Variants in AUTS2 observed in about 807,000 individuals in gnomAD.
AUTS2 encodes the protein autism susceptibility gene 2 protein.
A neutral mutation model predicts 112.4 loss-of-function variants in AUTS2; 17 were observed. The ratio of observed to expected loss-of-function variants is 0.15; its 90% CI spans 0.10 to 0.23. AUTS2 has a LOEUF of 0.23. Among genes scored for constraint, AUTS2 ranks in the 10% least tolerant of loss-of-function variants. AUTS2 has a pLI of 1.00. For missense variants in AUTS2, 1,510 were observed against 1,701.6 expected (o/e 0.89, Z 1.98); for synonymous variants, 751 against 702.7 (o/e 1.07, Z -1.09).
chr7:70,781,462 G>A lies in AUTS2; in HGVS notation c.2005-153G>A, dbSNP rs927816356. The A allele has an allele frequency of 3.4e-5, 29 of 846,582 alleles. No homozygotes were observed. In the African/African-American group the frequency reaches 4.6e-4, roughly 13 times the overall value. 52.4% of individuals were successfully genotyped at this position (846,582 alleles called of 1,614,324 possible). ...CCGGCCTGCAGATCTGACATTTGAG[G>A]GTGAAATGGTTTTTGTGTAGCTGCT... On this transcript the variant is annotated intron_variant, in intron 14 of 18. Transcript: ENST00000342771.
chr7:70,045,715 TCTC>T (rs1317646572), intron 2 of AUTS2, among the ~76,000 whole-genome samples: 1 of 151,426 alleles, frequency 6.6e-6, no homozygotes, highest in Non-Finnish European at 1.5e-5. Context: ...TTCAAACAGT[TCTC>T]CTGCCCCAGC....
intron 5 of AUTS2, among the ~76,000 whole-genome samples, chr7:70,502,534 C>T (rs550650331): frequency 4.6e-5 from 7 of 152,262 alleles, no homozygotes; most frequent in African/African-American, 1.7e-4. Flanking sequence ...CTTTTGCCCA[C>T]CGCTTCCAGT....
intron 1 of AUTS2, among the ~76,000 whole-genome samples, chr7:69,635,402 ATC>A (rs1418029406): frequency 2.0e-5 from 3 of 152,238 alleles, no homozygotes; most frequent in Non-Finnish European, 4.4e-5. Context: ...CTGAAAATAC[ATC>A]TGAGAATAAT....
chr7:69,631,665 T>G (rs1794250659), intron 1 of AUTS2, among the ~76,000 whole-genome samples: 1 of 152,232 alleles, frequency 6.6e-6, no homozygotes, highest in Non-Finnish European at 1.5e-5. Flanking sequence ...TGTTCCATTT[T>G]AGCCCCAGCA....
At chr7:70,637,709 T>G (rs976585741) in intron 5 of AUTS2, among the ~76,000 whole-genome samples, 2 of 152,098 alleles carry the variant, frequency 1.3e-5, no homozygotes, top group African/African-American at 4.8e-5. Context: ...TTTCCCTAAG[T>G]AGGGGTATTT....
At chr7:70,231,358 G>A (rs550045672) in intron 4 of AUTS2, among the ~76,000 whole-genome samples, 1 of 152,244 alleles carries the variant, frequency 6.6e-6, no homozygotes, top group African/African-American at 2.4e-5. Context: ...TTCCTTCCTA[G>A]CCTTCTAGTT....
intron 4 of AUTS2, among the ~76,000 whole-genome samples, chr7:70,410,851 GTTATTATTA>G (rs138979707): frequency 2.0e-5 from 3 of 148,194 alleles, no homozygotes; most frequent in African/African-American, 5.0e-5. Flanking sequence ...TATTATTATT[GTTATTATTA>G]TTATTATTAT....
chr7:70,730,980 T>C (rs529179748), intron 6 of AUTS2, among the ~76,000 whole-genome samples: 114 of 152,324 alleles, frequency 7.5e-4, no homozygotes, highest in African/African-American at 2.7e-3. Flanking sequence ...GGATTTGCAA[T>C]TCCCTGAATG....
chr7:69,853,152 C>A (rs758330506), intron 1 of AUTS2, among the ~76,000 whole-genome samples: 7 of 152,102 alleles, frequency 4.6e-5, no homozygotes, highest in Non-Finnish European at 8.8e-5. Flanking sequence ...AGATCCTAGC[C>A]TGTTGATGGC....
chr7:69,837,219 A>T (rs1791766005), intron 1 of AUTS2, among the ~76,000 whole-genome samples: 1 of 152,218 alleles, frequency 6.6e-6, no homozygotes, highest in African/African-American at 2.4e-5. Context: ...ACAAATGCAC[A>T]TAGATAGTTA....
At chr7:69,969,811 T>C (rs1394982227) in intron 2 of AUTS2, among the ~76,000 whole-genome samples, 2 of 152,222 alleles carry the variant, frequency 1.3e-5, no homozygotes, top group African/African-American at 2.4e-5. Flanking sequence ...TGATATAAGC[T>C]TGTAATTGTT....
rs1301890488 is a variant in AUTS2, at chr7:69,978,902, G to GCA, written c.522+79410_522+79411dup. On this transcript the variant is annotated intron_variant, in intron 2 of 18. Transcript: ENST00000342771. ...CACACACACACACACACACACACAC[G>GCA]CACACACGCACACACACACGCACAC... Among the ~76,000 whole-genome samples, 250 of 75,366 alleles carry GCA rather than the reference G, an allele frequency of 3.3e-3. 2 individuals are homozygous for GCA. The highest frequency in any genetic ancestry group is 0.023 in the Admixed American group (175 of 7,470). 49.4% of individuals were successfully genotyped at this position (75,366 alleles called of 152,430 possible). A position where few individuals can be genotyped will look rare whatever the true frequency, so the allele number is the denominator to read the frequency against.
intron 6 of AUTS2, among the ~76,000 whole-genome samples, 160 bp from the exon 7 acceptor site, chr7:70,762,710 G>A (rs1429902575): frequency 6.6e-6 from 1 of 152,124 alleles, no homozygotes; most frequent in Non-Finnish European, 1.5e-5. Flanking sequence ...TGCTGTGGGC[G>A]CATACCCCCG....
At chr7:70,349,334 A>C (rs1230325228) in intron 4 of AUTS2, among the ~76,000 whole-genome samples, 3 of 138,200 alleles carry the variant, frequency 2.2e-5, no homozygotes, top group Non-Finnish European at 4.6e-5. Context: ...AATTTTTATA[A>C]GTGATTAAAG....
chr7:70,148,981 CA>C (rs1484003244), intron 4 of AUTS2, among the ~76,000 whole-genome samples: 1 of 151,964 alleles, frequency 6.6e-6, no homozygotes, highest in Non-Finnish European at 1.5e-5. Flanking sequence ...TATTACAAAG[CA>C]AGGTAAATAA....
At chr7:70,126,247 C>T (rs1200527529) in intron 3 of AUTS2, among the ~76,000 whole-genome samples, 3 of 152,050 alleles carry the variant, frequency 2.0e-5, no homozygotes, top group Admixed American at 6.6e-5. Flanking sequence ...GGTGAAACCC[C>T]GTCTCTACTA....
intron 4 of AUTS2, among the ~76,000 whole-genome samples, chr7:70,373,679 T>C (rs1210418998): frequency 2.6e-5 from 4 of 152,066 alleles, no homozygotes; most frequent in Non-Finnish European, 4.4e-5. Flanking sequence ...TGTGGGACAA[T>C]CCTCTTCATC....
chr7:70,517,834 C>A (rs3113271), intron 5 of AUTS2, among the ~76,000 whole-genome samples: 87,077 of 151,636 alleles, frequency 0.57, 26,125 homozygotes, highest in African/African-American at 0.74. Flanking sequence ...TTGTATATAC[C>A]CACACACACA....
intron 1 of AUTS2, among the ~76,000 whole-genome samples, chr7:69,886,916 A>G (rs1459990279): frequency 2.0e-5 from 3 of 152,072 alleles, no homozygotes; most frequent in Non-Finnish European, 4.4e-5. Flanking sequence ...CTGGGACTAC[A>G]GGCATACGCC....
Sources: allele counts gnomAD v4.1 joint callset (sites outside exome capture counted in the v4.1 genomes callset), GRCh38; gene constraint gnomAD v4.1.1; transcripts MANE v1.5; gene names NCBI Gene and HGNC (gene_info 2026-07-23, HGNC 2026-07-21).